Variants in SESTD1 observed in about 807,000 individuals in gnomAD.
SESTD1 encodes SEC14 and spectrin domain containing 1, also known as SEC14 domain and spectrin repeat-containing protein 1.
Under a neutral mutation model 101.7 loss-of-function variants are expected in SESTD1, and 43 were observed. That is an observed-to-expected ratio of 0.42 (90% CI 0.33 to 0.55). The LOEUF (loss-of-function observed/expected upper bound fraction) is 0.55. Among genes scored for constraint, SESTD1 ranks in the 20% least tolerant of loss-of-function variants. The pLI is 0.07. For missense variants in SESTD1, 647 were observed against 815.1 expected (o/e 0.79, Z 2.51); for synonymous variants, 283 against 286.8 (o/e 0.99, Z 0.13).
intron 2 of SESTD1, among the ~76,000 whole-genome samples, chr2:179,187,991 AT>A (rs1346700339): frequency 6.6e-6 from 1 of 152,188 alleles, no homozygotes; most frequent in Admixed American, 6.5e-5. Context: ...ATAGCAGGGG[AT>A]TTCAACACTC....
At chr2:179,172,060 T>C in intron 5 of SESTD1, 60 bp downstream of exon 5, 1 of 1,141,898 alleles carries the variant, frequency 8.8e-7, no homozygotes, top group East Asian at 2.4e-5. Flanking sequence ...TCAAAAATAA[T>C]TTCAGTAAAA....
chr2:179,263,164 C>T (rs2047506181), intron 1 of SESTD1, among the ~76,000 whole-genome samples: 1 of 152,060 alleles, frequency 6.6e-6, no homozygotes. Flanking sequence ...TTTCTAGGTC[C>T]TTGGGGAATT....
chr2:179,259,349 G>C (rs1312968371), intron 1 of SESTD1, among the ~76,000 whole-genome samples: 6 of 152,056 alleles, frequency 3.9e-5, no homozygotes, highest in Non-Finnish European at 7.4e-5. Context: ...CTCTGCCTCA[G>C]CCTCCTGAGT....
chr2:179,263,822 G>A (rs1187295484), intron 1 of SESTD1, among the ~76,000 whole-genome samples: 1 of 152,122 alleles, frequency 6.6e-6, no homozygotes, highest in Non-Finnish European at 1.5e-5. Flanking sequence ...CACAGACCCT[G>A]GCCAACCCTC....
chr2:179,154,202 G>T (rs1268981383), intron 5 of SESTD1, among the ~76,000 whole-genome samples: 1 of 151,062 alleles, frequency 6.6e-6, no homozygotes, highest in African/African-American at 2.4e-5. Flanking sequence ...CTGCACTCCA[G>T]CCTGGGGGTC....
At chr2:179,221,987 T>C (rs1366746012) in intron 1 of SESTD1, among the ~76,000 whole-genome samples, 1 of 152,114 alleles carries the variant, frequency 6.6e-6, no homozygotes, top group Non-Finnish European at 1.5e-5. Context: ...ACTGAAACAA[T>C]AGAACATTCT....
chr2:179,203,745 T>G (rs931154733), intron 1 of SESTD1, among the ~76,000 whole-genome samples: 5 of 133,744 alleles, frequency 3.7e-5, no homozygotes, highest in Non-Finnish European at 8.0e-5. Flanking sequence ...ACCCAATACT[T>G]GTGCCTGGCA....
At chr2:179,241,051 T>C (rs372865064) in intron 1 of SESTD1, among the ~76,000 whole-genome samples, 10 of 152,086 alleles carry the variant, frequency 6.6e-5, no homozygotes, top group African/African-American at 2.2e-4. Context: ...ATGGAAACTT[T>C]AGAACCAAAA....
chr2:179,262,718 C>T (rs2047500097), intron 1 of SESTD1, among the ~76,000 whole-genome samples: 1 of 152,078 alleles, frequency 6.6e-6, no homozygotes, highest in Admixed American at 6.5e-5. Context: ...TCAACAAGTC[C>T]TTATAAAAAT....
intron 1 of SESTD1, among the ~76,000 whole-genome samples, chr2:179,244,877 A>C (rs142192108): frequency 0.013 from 1,909 of 152,346 alleles, 14 homozygotes; most frequent in Middle Eastern, 0.037. Flanking sequence ...TAAGATGATT[A>C]TATTACAAAT....
rs578015354 is a variant in SESTD1, at chr2:179,106,607, A to G, written c.*3292T>C. ...CCGTATGTCAGCTAATAAGATAACG[A>G]AATAACAAACATGTTAAGACTAGCT... On this transcript the variant is annotated 3_prime_UTR_variant, in exon 18 of 18. Coordinates refer to ENST00000428443, the MANE Select transcript of SESTD1 (RefSeq NM_178123.5). 6.6e-6 allele frequency: 1 copy of G among 152,192 alleles called. No homozygotes were observed. The highest frequency in any genetic ancestry group is 1.9e-4 in the East Asian group (1 of 5,194). 9.4% of individuals were successfully genotyped at this position (152,192 alleles called of 1,614,324 possible).
intron 1 of SESTD1, among the ~76,000 whole-genome samples, chr2:179,251,040 G>C (rs930962656): frequency 2.6e-5 from 4 of 151,938 alleles, no homozygotes; most frequent in African/African-American, 4.8e-5. Flanking sequence ...TCCTTCAATG[G>C]GTGAATAAAC....
At chr2:179,139,721 G>A (rs62177277) in intron 9 of SESTD1, among the ~76,000 whole-genome samples, 1 of 152,022 alleles carries the variant, frequency 6.6e-6, no homozygotes, top group Admixed American at 6.5e-5. Flanking sequence ...ACAAGACACC[G>A]ACTCACCAAT....
intron 10 of SESTD1, among the ~76,000 whole-genome samples, chr2:179,128,319 A>T (rs1470173352): frequency 6.6e-6 from 1 of 152,208 alleles, no homozygotes; most frequent in Non-Finnish European, 1.5e-5. Context: ...AGACATTGAT[A>T]TTACCGATTG....
chr2:179,154,624 C>T (rs547106042), intron 5 of SESTD1, among the ~76,000 whole-genome samples: 20 of 152,238 alleles, frequency 1.3e-4, no homozygotes, highest in East Asian at 3.9e-4. Context: ...TAATCACTGT[C>T]TAAATCCAAC....
At chr2:179,124,973 G>GT (rs1559101187) in intron 10 of SESTD1, among the ~76,000 whole-genome samples, 1 of 152,014 alleles carries the variant, frequency 6.6e-6, no homozygotes, top group Non-Finnish European at 1.5e-5. Flanking sequence ...TTTCTGTGTG[G>GT]TATCACCTCA....
Position 179,115,054 on chromosome 2 carries a change from C to T in SESTD1, c.1839+11G>A. The T allele has an allele frequency of 6.2e-7, 1 of 1,601,808 alleles. No individual in the cohort carries two copies. The highest frequency in any genetic ancestry group is 8.5e-7 in the Non-Finnish European group (1 of 1,176,462). ...ACCACTGAGAATAACATTTCAAAAA[C>T]ACAAGCAAACCTTTTCAGCATTTGA... On this transcript the variant is annotated intron_variant, in intron 16 of 17. Coordinates refer to ENST00000428443, the MANE Select transcript of SESTD1 (RefSeq NM_178123.5).
chr2:179,195,864 A>G (rs2046383403), intron 1 of SESTD1, among the ~76,000 whole-genome samples: 1 of 151,736 alleles, frequency 6.6e-6, no homozygotes, highest in Admixed American at 6.6e-5. Context: ...AAAAAAAAAG[A>G]CTTCGTATGA....
At chr2:179,253,125 T>C (rs1262396520) in intron 1 of SESTD1, among the ~76,000 whole-genome samples, 3 of 152,176 alleles carry the variant, frequency 2.0e-5, no homozygotes, top group East Asian at 1.9e-4. Flanking sequence ...CCACCACTAC[T>C]ACCCCCATCC....
Sources: allele counts gnomAD v4.1 joint callset (sites outside exome capture counted in the v4.1 genomes callset), GRCh38; gene constraint gnomAD v4.1.1; transcripts MANE v1.5; gene names NCBI Gene and HGNC (gene_info 2026-07-23, HGNC 2026-07-21).